The following CHST14 variants were observed in gnomAD, a reference collection of about 807,000 sequenced individuals.
CHST14 encodes carbohydrate (N-acetylgalactosamine 4-0) sulfotransferase 14.
In CHST14, 13 loss-of-function variants were observed where a neutral mutation model predicts 22.7. That is an observed-to-expected ratio of 0.57 (90% confidence interval 0.37 to 0.91). The LOEUF (loss-of-function observed/expected upper bound fraction) is 0.91. CHST14 is among the 40% of genes least tolerant of loss of function. The pLI, the probability that CHST14 is intolerant of heterozygous loss-of-function variation, is 0.01. For missense variants in CHST14, 466 were observed against 513.1 expected, an observed-to-expected ratio of 0.91 and a Z score of 0.89; for synonymous variants, 233 against 231.9, an observed-to-expected ratio of 1.00 and a Z score of -0.04.
rs909698582 is a variant in CHST14, at chr15:40,471,010, C to T, written c.-204C>T. ...GCCGGGCGGGACATCCGGCCCGGGT[C>T]CCTCGCCGCGCCCGCCGCCCGCCGC... On this transcript the variant is annotated 5_prime_UTR_variant, in exon 1 of 1. Coordinates refer to ENST00000306243, the MANE Select transcript of CHST14 (RefSeq NM_130468.4). The surrounding 1 kb of genome is among the most constrained non-coding windows in gnomAD (Gnocchi z 6.4). 3.3e-6 allele frequency: 1 copy of T among 303,598 alleles called. No homozygotes were observed. Among genetic ancestry groups the T allele is most frequent in the Non-Finnish European group, 6.0e-6 (1 of 165,916 alleles). 18.8% of individuals were successfully genotyped at this position (303,598 alleles called of 1,614,324 possible).
At position 40,471,030 on chromosome 15, in the gene CHST14, C is replaced by A. The variant is rs867461233; in HGVS notation, c.-184C>A. ...CGGGTCCCTCGCCGCGCCCGCCGCC[C>A]GCCGCCCGCTTCGGCGCCGCAGCCC... On this transcript the variant is annotated 5_prime_UTR_variant, in exon 1 of 1. Coordinates refer to ENST00000306243, the MANE Select transcript of CHST14 (RefSeq NM_130468.4). The surrounding 1 kb of genome is among the most constrained non-coding windows in gnomAD (Gnocchi z 6.4). 6 of 339,392 alleles carry A rather than the reference C, an allele frequency of 1.8e-5. No homozygotes were observed. Among genetic ancestry groups the A allele is most frequent in the African/African-American group, 1.3e-4 (6 of 46,066 alleles). 21.0% of individuals were successfully genotyped at this position (339,392 alleles called of 1,614,324 possible). A position where few individuals can be genotyped will look rare whatever the true frequency, so the allele number is the denominator to read the frequency against.
In CHST14 at chr15:40,472,621, G is replaced by A; in HGVS notation, c.*277G>A. The A allele has an allele frequency of 2.2e-6, 1 of 460,846 alleles. No homozygotes were observed. The highest frequency in any genetic ancestry group is 5.9e-4 in the Middle Eastern group (1 of 1,690). 28.5% of individuals were successfully genotyped at this position (460,846 alleles called of 1,614,324 possible). On this transcript the variant is annotated 3_prime_UTR_variant, in exon 1 of 1. Transcript: ENST00000306243. The stretch of plus-strand genomic sequence containing the variant: ...AGCAACACATCTGATCTAAAGACTG[G>A]CTCCAGACCCCGGGCTGCCAGGATT...
At position 40,472,630 on chromosome 15, in the gene CHST14, C is replaced by G. The variant is rs978470992; in HGVS notation, c.*286C>G. 3.2e-5 allele frequency: 14 copies of G among 435,044 alleles called. No homozygotes were observed. Among genetic ancestry groups the G allele is most frequent in the African/African-American group, 2.8e-4 (14 of 50,338 alleles). The allele number at this position is 435,044 out of a possible 1,614,324, so 26.9% of individuals were successfully genotyped here. ...TCTGATCTAAAGACTGGCTCCAGAC[C>G]CCGGGCTGCCAGGATTATGCAGTCC... On this transcript the variant is annotated 3_prime_UTR_variant, in exon 1 of 1. Transcript: ENST00000306243.
At position 40,472,074 on chromosome 15, in the gene CHST14, G is replaced by A. The variant is rs772452727; in HGVS notation, c.861G>A (p.Gln287=). 2.1e-5 allele frequency: 34 copies of A among 1,614,082 alleles called. No homozygotes were observed. In the East Asian group the frequency reaches 6.0e-4, roughly 29 times the overall value. ...GGATGCCCGTGTACCACCTGTGCCA[G>A]CCTTGTGCCGTGCACTATGACTTTG... ...EHWMPVYHLC[Q]PCAVHYDFVG... The change falls in exon 1 of 1, where the codon CAG becomes CAA. Residue 287 remains glutamine, a synonymous_variant. Coordinates refer to ENST00000306243, the MANE Select transcript of CHST14 (RefSeq NM_130468.4).
At position 40,472,247 on chromosome 15, in the gene CHST14, G is replaced by A. The variant is rs991224324; in HGVS notation, c.1034G>A (p.Arg345Gln). Residue 345 changes from arginine to glutamine, a missense_variant, in exon 1 of 1, where the codon CGG (arginine) becomes CAG (glutamine). By Grantham distance (43) the Arg-to-Gln change is conservative (BLOSUM62 1). Coordinates refer to ENST00000306243, the MANE Select transcript of CHST14 (RefSeq NM_130468.4). ...SLHYHLCSAP[R>Q]ALLQDVLPKY... The stretch of plus-strand genomic sequence containing the variant: ...CATTACCACTTGTGCAGTGCCCCCC[G>A]GGCCCTGCTGCAGGATGTGCTGCCT... 23 of 1,612,788 alleles carry A rather than the reference G, an allele frequency of 1.4e-5. No individual in the cohort carries two copies. Among genetic ancestry groups the A allele is most frequent in the Non-Finnish European group, 1.9e-5 (22 of 1,179,110 alleles).
In CHST14 at chr15:40,471,448, G is replaced by A; in HGVS notation, c.235G>A (p.Glu79Lys). 1 of 1,580,486 alleles carries A rather than the reference G, an allele frequency of 6.3e-7. No homozygotes were observed. Among genetic ancestry groups the A allele is most frequent in the African/African-American group, 1.3e-5 (1 of 74,560 alleles). Residue 79 changes from glutamate to lysine, a missense_variant, in exon 1 of 1, where the codon GAG becomes AAG. By Grantham distance (56) the Glu-to-Lys change is moderately conservative (BLOSUM62 1). Transcript: ENST00000306243. This position sits in a 1 kb window ranked among gnomAD's most constrained non-coding sequence, Gnocchi z 6.4. The stretch of plus-strand genomic sequence containing the variant: ...CCTGCCCCTGCACCCGCCCGGCCGC[G>A]AGGGCACAGCCTGGCGCGGGAAAGC... ...KPLPLHPPGR[E>K]GTAWRGKAPK... is the part of the protein sequence containing the mutation.
Position 40,472,242 on chromosome 15 carries a change from C to A in CHST14, c.1029C>A (p.Ala343=). 1 of 1,613,098 alleles carries A rather than the reference C, an allele frequency of 6.2e-7. No homozygotes were observed. Among genetic ancestry groups the A allele is most frequent in the Non-Finnish European group, 8.5e-7 (1 of 1,179,206 alleles). The change falls in exon 1 of 1, where the codon GCC becomes GCA. Residue 343 remains alanine (A), a synonymous_variant. Transcript: ENST00000306243. The stretch of plus-strand genomic sequence containing the variant: ...GCCTGCATTACCACTTGTGCAGTGC[C>A]CCCCGGGCCCTGCTGCAGGATGTGC... ...PESLHYHLCS[A]PRALLQDVLP...
At position 40,471,177 on chromosome 15, in the gene CHST14, C is replaced by T; in HGVS notation, c.-37C>T. ...CCCGCCTTCCAGGCCGCCCTCGGAT[C>T]GGCCGGGCCCGCGCAGGCCCCCACC... is the stretch of plus-strand genomic sequence containing the variant. On this transcript the variant is annotated 5_prime_UTR_variant, in exon 1 of 1. Coordinates refer to ENST00000306243, the MANE Select transcript of CHST14 (RefSeq NM_130468.4). This position sits in a 1 kb window ranked among gnomAD's most constrained non-coding sequence, Gnocchi z 6.4. 8 of 1,187,034 alleles carry T rather than the reference C, an allele frequency of 6.7e-6. No individual in the cohort carries two copies. The South Asian group carries it at 1.6e-4, about 24-fold the overall frequency. The allele number at this position is 1,187,034 out of a possible 1,614,324, so 73.5% of individuals were successfully genotyped here. A position where few individuals can be genotyped will look rare whatever the true frequency, so the allele number is the denominator to read the frequency against.
chr15:40,471,853 G>T lies in CHST14; in HGVS notation c.640G>T (p.Glu214Ter). 6.2e-7 allele frequency: 1 copy of T among 1,613,922 alleles called. No homozygotes were observed. The highest frequency in any genetic ancestry group is 8.5e-7 in the Non-Finnish European group (1 of 1,180,036). The change falls in exon 1 of 1, where the codon GAG becomes TAG. Residue 214 changes from glutamate (E) to a stop codon, truncating the protein, a stop_gained. Coordinates refer to ENST00000306243, the MANE Select transcript of CHST14 (RefSeq NM_130468.4). LOFTEE classifies it high-confidence loss of function. The surrounding 1 kb of genome is among the most constrained non-coding windows in gnomAD (Gnocchi z 6.4). ...CTACTTTAAGTTCCTGTTTGTGCGG[G>T]AGCCCTTGGAACGCCTCCTCTCTGC... ...QHYFKFLFVR[E>*]PLERLLSAYR... is the part of the protein sequence containing the mutation.
Position 40,471,262 on chromosome 15 carries a change from C to T in CHST14, c.49C>T (p.Pro17Ser), listed in dbSNP as rs752758290. 4 of 1,492,320 alleles carry T rather than the reference C, an allele frequency of 2.7e-6. No homozygotes were observed. The highest frequency in any genetic ancestry group is 2.3e-5 in the Admixed American group (1 of 44,276). 92.4% of individuals were successfully genotyped at this position (1,492,320 alleles called of 1,614,324 possible). A position where few individuals can be genotyped will look rare whatever the true frequency, so the allele number is the denominator to read the frequency against. The change falls in exon 1 of 1, where the codon CCC (proline) becomes TCC (serine). Residue 17 changes from proline (P) to serine (S), a missense_variant. Physicochemically the swap from Pro to Ser is moderately conservative, Grantham distance 74. Coordinates refer to ENST00000306243, the MANE Select transcript of CHST14 (RefSeq NM_130468.4). This position sits in a 1 kb window ranked among gnomAD's most constrained non-coding sequence, Gnocchi z 6.4. ...GCTGGCGGCCCCAAATGGCGCCGAG[C>T]CCCTGGGCCGGGCGCTGAGGCGGGC... is the stretch of plus-strand genomic sequence containing the variant. ...TPLAAPNGAE[P>S]LGRALRRAPL...
rs1332172241 is a variant in CHST14 at position 40,471,155 on chromosome 15, G to C, written c.-59G>C. On this transcript the variant is annotated 5_prime_UTR_variant, in exon 1 of 1. Transcript: ENST00000306243. This position sits in a 1 kb window ranked among gnomAD's most constrained non-coding sequence, Gnocchi z 6.4. ...CTCCTCCCGCCCCCAGCCCGAGCCC[G>C]CCTTCCAGGCCGCCCTCGGATCGGC... The C allele has an allele frequency of 5.2e-5, 16 of 305,360 alleles. No homozygotes were observed. Among genetic ancestry groups the C allele is most frequent in the Admixed American group, 8.3e-5 (1 of 12,038 alleles). The allele number at this position is 305,360 out of a possible 1,614,324, so 18.9% of individuals were successfully genotyped here.
Position 40,472,194 on chromosome 15 carries a change from G to A in CHST14, c.981G>A (p.Trp327Ter), listed in dbSNP as rs147466381. ...PHVRFPARQA[W>*]YRPASPESLH... is the part of the protein sequence containing the mutation. ...TCCGATTTCCAGCTCGCCAGGCCTG[G>A]TACCGGCCAGCCAGCCCCGAAAGCC... The change falls in exon 1 of 1, where the codon TGG becomes TGA. Residue 327 changes from tryptophan (W) to a stop codon, truncating the protein, a stop_gained. Transcript: ENST00000306243. LOFTEE classifies it high-confidence loss of function. 3 of 1,613,984 alleles carry A rather than the reference G, an allele frequency of 1.9e-6. No homozygotes were observed. In the African/African-American group the frequency reaches 4.0e-5, roughly 22 times the overall value.
Position 40,472,358 on chromosome 15 carries a change from G to T in CHST14, c.*14G>T. On this transcript the variant is annotated 3_prime_UTR_variant, in exon 1 of 1. Transcript: ENST00000306243. ...TGTCAGCAGTGACCATGGGTGTGGG[G>T]CCAGCAGCTGGTGGGGACTGGTTTC... is the stretch of plus-strand genomic sequence containing the variant. The T allele has an allele frequency of 6.3e-7, 1 of 1,586,038 alleles. No homozygotes were observed. Among genetic ancestry groups the T allele is most frequent in the Non-Finnish European group, 8.6e-7 (1 of 1,165,256 alleles).
In CHST14 at chr15:40,471,346, C is replaced by T; in HGVS notation, c.133C>T (p.Leu45=). ...GGPPLLLPSM[L]MFAVIVASSG... is the part of the protein sequence containing the mutation. ...GCCGCCCCTGCTGCTGCCGTCCATG[C>T]TGATGTTTGCGGTGATCGTGGCCTC... is the stretch of plus-strand genomic sequence containing the variant. The change falls in exon 1 of 1, where the codon CTG becomes TTG. Residue 45 remains leucine, a synonymous_variant. Transcript: ENST00000306243. The surrounding 1 kb of genome is among the most constrained non-coding windows in gnomAD (Gnocchi z 6.4). 6.5e-7 allele frequency: 1 copy of T among 1,549,998 alleles called. No individual in the cohort carries two copies. The highest frequency in any genetic ancestry group is 2.4e-5 in the East Asian group (1 of 41,816).
chr15:40,471,748 C>A lies in CHST14; in HGVS notation c.535C>A (p.Arg179Ser). ...LAGVLDSVDV[R>S]LKMDHRSDLV... ...AGGCGTCCTGGACAGCGTGGACGTCCGCCTCAAGATGGACCACCGCAGTGA... is the reference window on the plus strand; with the variant it reads ...AGGCGTCCTGGACAGCGTGGACGTCAGCCTCAAGATGGACCACCGCAGTGA... The change falls in exon 1 of 1, where the codon CGC becomes AGC. Residue 179 changes from arginine to serine, a missense_variant. By Grantham distance (110) the Arg-to-Ser change is moderately radical. Transcript: ENST00000306243. The surrounding 1 kb of genome is among the most constrained non-coding windows in gnomAD (Gnocchi z 6.4). 1 of 1,613,568 alleles carries A rather than the reference C, an allele frequency of 6.2e-7. No homozygotes were observed. The highest frequency in any genetic ancestry group is 8.5e-7 in the Non-Finnish European group (1 of 1,180,026).
At position 40,471,118 on chromosome 15, in the gene CHST14, C is replaced by T. The variant is rs1327840065; in HGVS notation, c.-96C>T. Reference sequence around the variant, plus strand: ...CTGCCCTCCCCTCCCCAACTACCCCCGGTCCCAGACCCTCCTCCCGCCCCC... The same window carrying T: ...CTGCCCTCCCCTCCCCAACTACCCCTGGTCCCAGACCCTCCTCCCGCCCCC... On this transcript the variant is annotated 5_prime_UTR_variant, in exon 1 of 1. Coordinates refer to ENST00000306243, the MANE Select transcript of CHST14 (RefSeq NM_130468.4). This position sits in a 1 kb window ranked among gnomAD's most constrained non-coding sequence, Gnocchi z 6.4. 1.2e-5 allele frequency: 6 copies of T among 482,980 alleles called. No individual in the cohort carries two copies. The highest frequency in any genetic ancestry group is 1.2e-4 in the African/African-American group (6 of 48,402). 29.9% of individuals were successfully genotyped at this position (482,980 alleles called of 1,614,324 possible). A position where few individuals can be genotyped will look rare whatever the true frequency, so the allele number is the denominator to read the frequency against.
In CHST14 at chr15:40,472,154, G is replaced by A. The variant is rs556002453; in HGVS notation, c.941G>A (p.Arg314Gln). ...ADANQVLEWV[R>Q]APPHVRFPAR... The stretch of plus-strand genomic sequence containing the variant: ...GCAAATCAGGTGCTGGAGTGGGTAC[G>A]GGCACCACCTCACGTCCGATTTCCA... Residue 314 changes from arginine (R) to glutamine (Q), a missense_variant, in exon 1 of 1, where the codon CGG (arginine) becomes CAG (glutamine). Arg to Gln is a conservative substitution (Grantham distance 43, BLOSUM62 1). Transcript: ENST00000306243. 42 of 1,614,104 alleles carry A rather than the reference G, an allele frequency of 2.6e-5. No homozygotes were observed. Among genetic ancestry groups the A allele is most frequent in the Middle Eastern group, 3.3e-4 (2 of 6,060 alleles).
Position 40,472,507 on chromosome 15 carries a change from A to G in CHST14, c.*163A>G. 1 of 756,178 alleles carries G rather than the reference A, an allele frequency of 1.3e-6. No individual in the cohort carries two copies. Among genetic ancestry groups the G allele is most frequent in the Non-Finnish European group, 2.2e-6 (1 of 462,632 alleles). The allele number at this position is 756,178 out of a possible 1,614,324, so 46.8% of individuals were successfully genotyped here. On this transcript the variant is annotated 3_prime_UTR_variant, in exon 1 of 1. Transcript: ENST00000306243. ...AGTTCCTTGTCCAGGGTGGGCACCC[A>G]CAGTGACTCAGAGGACAGGGCTAGG...
In CHST14 at chr15:40,471,241, G is replaced by A; in HGVS notation, c.28G>A (p.Ala10Thr). MFPRPLTPLAAPNGAEPLGR... is the reference protein window; with the variant it reads MFPRPLTPLTAPNGAEPLGR... ...GTTCCCCCGCCCGCTGACCCCGCTG[G>A]CGGCCCCAAATGGCGCCGAGCCCCT... is the stretch of plus-strand genomic sequence containing the variant. The change falls in exon 1 of 1, where the codon GCG (alanine) becomes ACG (threonine). Residue 10 changes from alanine to threonine, a missense_variant. Coordinates refer to ENST00000306243, the MANE Select transcript of CHST14 (RefSeq NM_130468.4). The surrounding 1 kb of genome is among the most constrained non-coding windows in gnomAD (Gnocchi z 6.4). 1 of 1,436,398 alleles carries A rather than the reference G, an allele frequency of 7.0e-7. No homozygotes were observed. The highest frequency in any genetic ancestry group is 9.0e-7 in the Non-Finnish European group (1 of 1,105,194). 89.0% of individuals were successfully genotyped at this position (1,436,398 alleles called of 1,614,324 possible).
Sources: allele counts gnomAD v4.1 joint callset, GRCh38; gene constraint gnomAD v4.1.1; non-coding constraint Gnocchi (gnomAD v3.1); transcripts MANE v1.5; gene names NCBI Gene and HGNC (gene_info 2026-07-23, HGNC 2026-07-21).